Variants in STK3 observed in about 807,000 individuals in gnomAD.
The protein encoded by STK3 is serine/threonine-protein kinase 3.
STK3 carries 41 observed loss-of-function variants against 58.0 expected under a neutral mutation model. The observed-to-expected ratio is 0.71, with a 90% CI of 0.55 to 0.92. The LOEUF (loss-of-function observed/expected upper bound fraction) is 0.92, where lower values mean the gene tolerates loss of function less well. Ranked by LOEUF, STK3 falls within the 40% of genes least tolerant of loss-of-function variation. The pLI is 0.00. For synonymous variants in STK3, 170 were observed against 191.0 expected (o/e 0.89, Z 0.91); for missense variants, 479 against 602.7 (o/e 0.79, Z 2.15).
intron 7 of STK3, among the ~76,000 whole-genome samples, chr8:98,583,073 ACTAT>A (rs1426417653): frequency 6.6e-6 from 1 of 152,024 alleles, no homozygotes; most frequent in Non-Finnish European, 1.5e-5. Context: ...TGTTATTCAT[ACTAT>A]CTTTTTATAT....
intron 1 of STK3, among the ~76,000 whole-genome samples, chr8:98,777,542 C>T (rs1055419163): frequency 6.6e-6 from 1 of 152,056 alleles, no homozygotes; most frequent in African/African-American, 2.4e-5. Flanking sequence ...AGAAATGGTT[C>T]TGAATCAAGG....
intron 3 of STK3, among the ~76,000 whole-genome samples, chr8:98,856,890 C>T (rs1836704879): frequency 6.6e-6 from 1 of 152,218 alleles, no homozygotes; most frequent in South Asian, 2.1e-4. Context: ...GAACAAAGTA[C>T]TGATATACTG....
intron 8 of STK3, among the ~76,000 whole-genome samples, chr8:98,571,935 A>C (rs35867283): frequency 1.7e-3 from 253 of 152,298 alleles, no homozygotes; most frequent in Middle Eastern, 6.8e-3. Flanking sequence ...TCAGTCTTTT[A>C]AAGTGCTTTA....
intron 1 of STK3, among the ~76,000 whole-genome samples, chr8:98,823,241 T>C (rs1835024292): frequency 6.6e-6 from 1 of 152,108 alleles, no homozygotes; most frequent in Non-Finnish European, 1.5e-5. Flanking sequence ...AAATGCCAAC[T>C]GAGCAGCAGC....
chr8:98,728,444 C>T (rs1321926309), intron 4 of STK3, among the ~76,000 whole-genome samples: 1 of 152,142 alleles, frequency 6.6e-6, no homozygotes, highest in Non-Finnish European at 1.5e-5. Flanking sequence ...TAATCTATCA[C>T]AAAGCCCCAC....
chr8:98,910,194 G>A (rs910513160), intron 1 of STK3, among the ~76,000 whole-genome samples: 1 of 152,038 alleles, frequency 6.6e-6, no homozygotes, highest in African/African-American at 2.4e-5. Flanking sequence ...TGGATAATTT[G>A]TCTTTTTTAT....
At chr8:98,352,033 A>G in the STK3 span, among the ~76,000 whole-genome samples, 55 of 149,322 alleles carry the variant, frequency 3.7e-4, 1 homozygote, top group African/African-American at 1.2e-3. Flanking sequence ...GCTACCTGGG[A>G]GGCTGAGGCA....
At chr8:98,693,355 G>A (rs895537217) in intron 6 of STK3, among the ~76,000 whole-genome samples, 1 of 152,112 alleles carries the variant, frequency 6.6e-6, no homozygotes, top group South Asian at 2.1e-4. Flanking sequence ...CCATGTTCAC[G>A]CCACTCCAGC....
intron 6 of STK3, among the ~76,000 whole-genome samples, chr8:98,689,833 AAATT>A (rs1824264172): frequency 6.6e-6 from 1 of 152,188 alleles, no homozygotes; most frequent in Non-Finnish European, 1.5e-5. Flanking sequence ...GCACATCAAA[AAATT>A]AATTCACCAC....
chr8:98,498,880 A>G (rs974038100), intron 10 of STK3, among the ~76,000 whole-genome samples: 3 of 152,228 alleles, frequency 2.0e-5, no homozygotes, highest in Admixed American at 6.5e-5. Context: ...AGTGAGCTGA[A>G]TAATGGTCCC....
Position 98,701,421 on chromosome 8 carries a change from C to T in STK3, c.684+5046G>A, listed in dbSNP as rs1825604768. On this transcript the variant is annotated intron_variant, in intron 6 of 10. Coordinates refer to ENST00000419617, the MANE Select transcript of STK3 (RefSeq NM_006281.4). ...TCACTTGAGGTCAGGAGTTCAAGAT[C>T]AGTCTGGCCAACATGGTGAAACCCC... Among the ~76,000 whole-genome samples, 3 of 152,032 alleles carry T rather than the reference C, an allele frequency of 2.0e-5. No individual in the cohort carries two copies. In the South Asian group the frequency reaches 6.2e-4, roughly 31 times the overall value.
chr8:98,624,943 C>T (rs1563819653), intron 6 of STK3, among the ~76,000 whole-genome samples: 2 of 151,980 alleles, frequency 1.3e-5, no homozygotes, highest in Admixed American at 6.6e-5. Flanking sequence ...AGGATACTGA[C>T]AAGCTGGAAA....
intron 1 of STK3, among the ~76,000 whole-genome samples, chr8:98,776,998 C>T (rs1831730082): frequency 6.6e-6 from 1 of 151,144 alleles, no homozygotes; most frequent in Admixed American, 6.6e-5. Flanking sequence ...TGCCGTGAGC[C>T]GAGATCGCGC....
At chr8:98,902,545 C>T (rs1184797647) in intron 1 of STK3, among the ~76,000 whole-genome samples, 1 of 152,238 alleles carries the variant, frequency 6.6e-6, no homozygotes, top group Non-Finnish European at 1.5e-5. Flanking sequence ...CCACGCCCAT[C>T]CAGTTGATCA....
intron 10 of STK3, among the ~76,000 whole-genome samples, chr8:98,501,149 T>C (rs983193685): frequency 1.4e-4 from 21 of 152,048 alleles, no homozygotes; most frequent in Non-Finnish European, 2.9e-4. Flanking sequence ...TTTGCGTTTC[T>C]CTAATGACCA....
rs553981140 is a variant in STK3, at chr8:98,825,057, G to A, written c.26+458C>T. Among the ~76,000 whole-genome samples, 8 of 152,254 alleles carry A rather than the reference G, an allele frequency of 5.3e-5. No individual in the cohort carries two copies. The East Asian group carries it at 1.4e-3, about 26-fold the overall frequency. ...TAATAACAGTAAATACCATACCAAA[G>A]CAGCACTATTTTTACACGCAAAACT... is the stretch of plus-strand genomic sequence containing the variant. On this transcript the variant is annotated intron_variant, in intron 1 of 10. Transcript: ENST00000419617.
At chr8:98,623,258 G>T (rs1406250274) in intron 6 of STK3, among the ~76,000 whole-genome samples, 9 of 152,074 alleles carry the variant, frequency 5.9e-5, no homozygotes, top group Admixed American at 5.2e-4. Flanking sequence ...ATAAAGGAAG[G>T]AAGGAAAAGT....
At chr8:98,661,977 C>T (rs938959735) in intron 6 of STK3, among the ~76,000 whole-genome samples, 4 of 152,076 alleles carry the variant, frequency 2.6e-5, no homozygotes, top group Non-Finnish European at 2.9e-5. Flanking sequence ...TAAACACCTG[C>T]TTGCTATGTA....
the STK3 span, among the ~76,000 whole-genome samples, chr8:98,354,484 T>C: frequency 3.3e-5 from 5 of 152,180 alleles, no homozygotes; most frequent in East Asian, 7.7e-4. Flanking sequence ...CAGAGAAAAC[T>C]AGGGGAACAA....
Sources: gnomAD v4.1 joint callset for allele counts (sites outside exome capture counted in the v4.1 genomes callset) on GRCh38, gnomAD v4.1.1 for gene constraint, MANE v1.5 for transcripts, NCBI Gene and HGNC (gene_info 2026-07-23, HGNC 2026-07-21) for gene names.